NRP1: variants seen among roughly 807,000 people sequenced by gnomAD.
NRP1 encodes the protein neuropilin 1, also known as neuropilin-1.
A neutral mutation model predicts 106.7 loss-of-function variants in NRP1; 35 were observed. That is an observed-to-expected ratio of 0.33 (90% CI 0.25 to 0.43). The LOEUF (loss-of-function observed/expected upper bound fraction) is 0.43. Among genes scored for constraint, NRP1 ranks in the 20% least tolerant of loss-of-function variants. The pLI, the probability that NRP1 is intolerant of heterozygous loss-of-function variation, is 1.00. For missense variants in NRP1, 1,024 were observed against 1,170.4 expected, an observed-to-expected ratio of 0.87 and a Z score of 1.83; for synonymous variants, 437 against 417.9, an observed-to-expected ratio of 1.05 and a Z score of -0.56.
chr10:33,256,505 G>A (rs199575549), intron 4 of NRP1, 34 bp from the exon 5 acceptor site: 7 of 1,604,766 alleles, frequency 4.4e-6, no homozygotes, highest in South Asian at 1.1e-5. Context: ...ATGTCAAAAT[G>A]TCTTTTCTCC....
intron 2 of NRP1, among the ~76,000 whole-genome samples, chr10:33,324,188 T>C (rs2132911227): frequency 6.6e-6 from 1 of 152,298 alleles, no homozygotes; most frequent in African/African-American, 2.4e-5. Context: ...TTAAATTTGG[T>C]GCTAATGGGG....
chr10:33,258,255 G>T (rs924924083), intron 4 of NRP1, among the ~76,000 whole-genome samples: 2 of 152,080 alleles, frequency 1.3e-5, no homozygotes, highest in African/African-American at 4.8e-5. Context: ...AAAGAAAAAA[G>T]AAAAAACCCC....
chr10:33,199,389 ATTTT>A (rs1160327036), intron 11 of NRP1, among the ~76,000 whole-genome samples: 95 of 36,762 alleles, frequency 2.6e-3, no homozygotes, highest in African/African-American at 7.7e-3. Flanking sequence ...ATATATATAT[ATTTT>A]TTTTTTTTTT....
Position 33,264,287 on chromosome 10 carries a change from G to A in NRP1, c.431-414C>T, listed in dbSNP as rs372671763. Among the ~76,000 whole-genome samples, 17 of 152,360 alleles carry A rather than the reference G, an allele frequency of 1.1e-4. No individual in the cohort carries two copies. In the South Asian group the frequency reaches 3.5e-3, roughly 32 times the overall value. On this transcript the variant is annotated intron_variant, in intron 3 of 16. Transcript: ENST00000374867. Reference sequence around the variant, plus strand: ...ATAGAACATTTATAAAGGCGAGGGAGAGAATTCAGTGGAGGCAGTTTGGGT... The same window carrying A: ...ATAGAACATTTATAAAGGCGAGGGAAAGAATTCAGTGGAGGCAGTTTGGGT...
At chr10:33,310,317 C>T (rs1846506843) in intron 2 of NRP1, among the ~76,000 whole-genome samples, 1 of 136,168 alleles carries the variant, frequency 7.3e-6, no homozygotes, top group Non-Finnish European at 1.5e-5. Flanking sequence ...ATGGCACCAT[C>T]TCGGCTCACT....
chr10:33,293,546 C>T (rs1338970129), intron 2 of NRP1, among the ~76,000 whole-genome samples: 1 of 152,178 alleles, frequency 6.6e-6, no homozygotes, highest in African/African-American at 2.4e-5. Flanking sequence ...ACAGAGCCCC[C>T]CGTAAGTTAT....
intron 2 of NRP1, among the ~76,000 whole-genome samples, chr10:33,296,748 G>T (rs1845415485): frequency 6.6e-6 from 1 of 152,302 alleles, no homozygotes; most frequent in South Asian, 2.1e-4. Flanking sequence ...TCCAATTTAG[G>T]CTGGGCGTGG....
intron 8 of NRP1, among the ~76,000 whole-genome samples, chr10:33,215,357 G>C (rs937002210): frequency 1.3e-5 from 2 of 152,166 alleles, no homozygotes; most frequent in Non-Finnish European, 2.9e-5. Flanking sequence ...TGCTCTCTAA[G>C]GCTTTAAGAT....
intron 6 of NRP1, among the ~76,000 whole-genome samples, chr10:33,246,109 A>G (rs1177777853): frequency 6.6e-6 from 1 of 151,394 alleles, no homozygotes; most frequent in Non-Finnish European, 1.5e-5. Context: ...AAATGGTCAA[A>G]ATCATATTGG....
At chr10:33,311,946 T>C (rs1846633983) in intron 2 of NRP1, among the ~76,000 whole-genome samples, 1 of 151,806 alleles carries the variant, frequency 6.6e-6, no homozygotes. Context: ...GTTCAAATCC[T>C]TTTTTTCTCA....
At chr10:33,230,590 CT>C (rs1840033797) in intron 6 of NRP1, among the ~76,000 whole-genome samples, 1 of 130,180 alleles carries the variant, frequency 7.7e-6, no homozygotes, top group Non-Finnish European at 1.6e-5. Flanking sequence ...CCATTAGTTT[CT>C]CATATATGTG....
At chr10:33,264,665 G>C (rs1449065002) in intron 3 of NRP1, among the ~76,000 whole-genome samples, 1 of 152,140 alleles carries the variant, frequency 6.6e-6, no homozygotes, top group Non-Finnish European at 1.5e-5. Context: ...GTACCACCAG[G>C]ACTTTACAAA....
intron 2 of NRP1, among the ~76,000 whole-genome samples, chr10:33,291,577 G>A (rs1354029204): frequency 6.6e-6 from 1 of 152,188 alleles, no homozygotes; most frequent in African/African-American, 2.4e-5. Context: ...TGGAAACCTG[G>A]ACTTCAGTAA....
At chr10:33,281,687 C>T (rs1474253120) in intron 2 of NRP1, among the ~76,000 whole-genome samples, 1 of 152,200 alleles carries the variant, frequency 6.6e-6, no homozygotes, top group Non-Finnish European at 1.5e-5. Flanking sequence ...CTGTGAGTCT[C>T]AGTGGCTCGT....
chr10:33,254,924 C>T (rs1842099108), intron 5 of NRP1, among the ~76,000 whole-genome samples: 1 of 152,150 alleles, frequency 6.6e-6, no homozygotes, highest in Non-Finnish European at 1.5e-5. Flanking sequence ...GAGGGAGGGG[C>T]CTTCAGCAGG....
chr10:33,325,800 A>T (rs1847845319), intron 2 of NRP1, among the ~76,000 whole-genome samples: 1 of 152,216 alleles, frequency 6.6e-6, no homozygotes, highest in Admixed American at 6.5e-5. Context: ...GAACGCACTG[A>T]GTTAGGAAAA....
intron 2 of NRP1, among the ~76,000 whole-genome samples, chr10:33,287,206 G>T (rs1844631156): frequency 6.6e-6 from 1 of 152,142 alleles, no homozygotes; most frequent in African/African-American, 2.4e-5. Context: ...ACTTCAACTT[G>T]ATGTTTTTCT....
At position 33,183,173 on chromosome 10, in the gene NRP1, T is replaced by TA. The variant is rs1835791663; in HGVS notation, c.2432-426dup. Among the ~76,000 whole-genome samples, 5 of 151,554 alleles carry TA rather than the reference T, an allele frequency of 3.3e-5. 1 individual carries two copies. In the South Asian group the frequency reaches 8.4e-4, roughly 25 times the overall value. The stretch of plus-strand genomic sequence containing the variant: ...TAGTGAGATCCCATCTCTACAAAAA[T>TA]AAAAAAATTAGCTTTCCAGCTGCTT... On this transcript the variant is annotated intron_variant, in intron 15 of 16. Transcript: ENST00000374867.
intron 2 of NRP1, among the ~76,000 whole-genome samples, chr10:33,310,616 A>G (rs1286503988): frequency 6.6e-6 from 1 of 152,124 alleles, no homozygotes; most frequent in Non-Finnish European, 1.5e-5. Context: ...AAACATTTGT[A>G]TCATCATTAA....
Sources: gnomAD v4.1 joint callset for allele counts (sites outside exome capture counted in the v4.1 genomes callset) on GRCh38, gnomAD v4.1.1 for gene constraint, MANE v1.5 for transcripts, NCBI Gene and HGNC (gene_info 2026-07-23, HGNC 2026-07-21) for gene names.